VWF: variants seen among roughly 807,000 people sequenced by gnomAD.
VWF encodes the protein Factor VIII related antigen.
Under a neutral mutation model 308.6 loss-of-function variants are expected in VWF, and 176 were observed. That is an observed-to-expected ratio of 0.57 (90% CI 0.50 to 0.65). The LOEUF (loss-of-function observed/expected upper bound fraction) is 0.65, where lower values mean the gene tolerates loss of function less well. Ranked by LOEUF, VWF falls within the 30% of genes least tolerant of loss-of-function variation. The pLI, the probability that VWF is intolerant of heterozygous loss-of-function variation, is 0.00. For missense variants in VWF, 3,146 were observed against 3,648.2 expected (o/e 0.86, Z 3.55); for synonymous variants, 1,385 against 1,443.4 (o/e 0.96, Z 0.92).
chr12:6,006,266 TGAGG>T (rs1028383719), intron 34 of VWF, among the ~76,000 whole-genome samples: 2 of 151,432 alleles, frequency 1.3e-5, no homozygotes, highest in African/African-American at 4.9e-5. Flanking sequence ...CAAAAGGAAA[TGAGG>T]AAGGAGTCAA....
chr12:6,057,738 G>A, intron 14 of VWF, 111 bp downstream of exon 14: 2 of 1,307,072 alleles, frequency 1.5e-6, no homozygotes, highest in Non-Finnish European at 2.0e-6. Flanking sequence ...CCCTTTCCTC[G>A]CTCCCCGCCC....
At chr12:6,025,291 A>G (rs1411284146) in intron 24 of VWF, among the ~76,000 whole-genome samples, 2 of 152,246 alleles carry the variant, frequency 1.3e-5, no homozygotes, top group African/African-American at 2.4e-5. Context: ...CTTCAATAAG[A>G]GAACAAATCC....
chr12:5,955,461 T>C (rs1943237755), intron 47 of VWF, among the ~76,000 whole-genome samples: 1 of 150,798 alleles, frequency 6.6e-6, no homozygotes, highest in Admixed American at 6.6e-5. Context: ...AGTGAGAACA[T>C]GCGGTGTTTG....
chr12:6,068,773 G>A (rs1325876933), intron 10 of VWF, among the ~76,000 whole-genome samples: 1 of 151,080 alleles, frequency 6.6e-6, no homozygotes, highest in East Asian at 1.9e-4. Flanking sequence ...ACAGGCATGA[G>A]CTGCCGCGCC....
chr12:6,046,728 T>C lies in VWF; in HGVS notation c.2276A>G (p.His759Arg). Residue 759 changes from histidine to arginine, a missense_variant, in exon 17 of 52, where the codon CAT becomes CGT. Physicochemically the swap from His to Arg is conservative, Grantham distance 29. Around this residue, in one of 3 missense-constraint regions of VWF, gnomAD observed 1,304 missense variants for 1,353.0 expected, o/e 0.96. Transcript: ENST00000261405. The surrounding 1 kb of genome is among the most constrained non-coding windows in gnomAD (Gnocchi z 5.0). ...TCCAGGGGGACAGTACTCACTGCGA[T>C]GAGACAGGGGACTGCTGAGGACAGC... ...PDAVLSSPLS[H>R]RSKRSLSCRP... The C allele has an allele frequency of 6.2e-7, 1 of 1,614,130 alleles. No homozygotes were observed. Among genetic ancestry groups the C allele is most frequent in the East Asian group, 2.2e-5 (1 of 44,888 alleles).
At chr12:6,091,307 T>G in intron 6 of VWF, among the ~76,000 whole-genome samples, 1 of 151,726 alleles carries the variant, frequency 6.6e-6, no homozygotes, top group African/African-American at 2.4e-5. Flanking sequence ...AGGAGGGAGA[T>G]GTGGGTGTGT....
At chr12:5,979,817 G>A (rs1943575296) in intron 42 of VWF, among the ~76,000 whole-genome samples, 1 of 151,312 alleles carries the variant, frequency 6.6e-6, no homozygotes, top group South Asian at 2.1e-4. Context: ...AGAGGCGGGT[G>A]GATCACAAGG....
intron 40 of VWF, among the ~76,000 whole-genome samples, chr12:5,983,599 T>TG (rs1943636879): frequency 6.6e-6 from 1 of 151,284 alleles, no homozygotes; most frequent in Non-Finnish European, 1.5e-5. Context: ...ATAGGATAGA[T>TG]GATAAAACAT....
In VWF at chr12:6,053,437, C is replaced by G. The variant is rs115927863; in HGVS notation, c.1946-654G>C. The stretch of plus-strand genomic sequence containing the variant: ...AGCTCATGCTCATAACCCTTACTCT[C>G]TAGAAAGAAAACAGTCCCTTTGAGG... On this transcript the variant is annotated intron_variant, in intron 15 of 51. Transcript: ENST00000261405. Among the ~76,000 whole-genome samples the G allele has an allele frequency of 4.5e-3, 691 of 152,248 alleles. 7 individuals are homozygous for G. The highest frequency in any genetic ancestry group is 0.016 in the African/African-American group (645 of 41,548).
chr12:5,991,074 C>G lies in VWF; in HGVS notation c.6798+745G>C, dbSNP rs181752942. 1.4e-4 allele frequency among the ~76,000 whole-genome samples: 21 copies of G among 149,778 alleles called. 1 individual carries two copies. The East Asian group carries it at 3.7e-3, about 26-fold the overall frequency. On this transcript the variant is annotated intron_variant, in intron 38 of 51. Transcript: ENST00000261405. Reference sequence around the variant, plus strand: ...GTTTCCATGGGTAACTTACTGAGCTCTTTAGGTCTTAGTTTCTTCATAGGA... The same window carrying G: ...GTTTCCATGGGTAACTTACTGAGCTGTTTAGGTCTTAGTTTCTTCATAGGA...
intron 37 of VWF, among the ~76,000 whole-genome samples, chr12:5,993,174 A>T (rs549291761): frequency 1.3e-5 from 2 of 152,326 alleles, no homozygotes; most frequent in East Asian, 3.9e-4. Flanking sequence ...CCCTCAAAAA[A>T]ATAGTCGAGG....
chr12:6,062,852 AG>A (rs1944669495), intron 13 of VWF, 101 bp downstream of exon 13: 1 of 943,416 alleles, frequency 1.1e-6, no homozygotes, highest in East Asian at 2.6e-5. Context: ...ATGAGGAGAA[AG>A]GAATTCTTCT....
At chr12:6,044,561 G>C in intron 17 of VWF, 110 bp from the exon 18 acceptor site, 1 of 1,410,192 alleles carries the variant, frequency 7.1e-7, no homozygotes, top group Non-Finnish European at 9.7e-7. Context: ...GAGACTCAGA[G>C]TTGCCCACTC....
intron 5 of VWF, among the ~76,000 whole-genome samples, chr12:6,096,439 G>C (rs1036382909): frequency 1.3e-5 from 2 of 152,238 alleles, no homozygotes; most frequent in African/African-American, 4.8e-5. Context: ...TGGCACCTGG[G>C]CATCCCTCTA....
At chr12:6,016,948 AT>A in intron 28 of VWF, 78 bp from the exon 29 acceptor site, 1 of 1,478,268 alleles carries the variant, frequency 6.8e-7, no homozygotes, top group Non-Finnish European at 9.4e-7. Context: ...CTGACATCCA[AT>A]AGGATCTGCA....
At chr12:6,105,923 G>T (rs1378605152) in intron 5 of VWF, among the ~76,000 whole-genome samples, 1 of 151,964 alleles carries the variant, frequency 6.6e-6, no homozygotes, top group Non-Finnish European at 1.5e-5. Context: ...TGCGCCTGTA[G>T]TCCCAGCTAC....
intron 5 of VWF, among the ~76,000 whole-genome samples, chr12:6,101,988 C>T (rs997716037): frequency 5.0e-4 from 76 of 151,774 alleles, no homozygotes; most frequent in African/African-American, 1.8e-3. Context: ...CAGAACATGA[C>T]ATTTATGGGG....
At chr12:6,074,487 TAAAAAAAAAA>T (rs776702305) in intron 7 of VWF, among the ~76,000 whole-genome samples, 1 of 61,982 alleles carries the variant, frequency 1.6e-5, no homozygotes, top group South Asian at 6.3e-4. Flanking sequence ...TTCACAGACC[TAAAAAAAAAA>T]AAAAAAAAAA....
rs2136409523 is a variant in VWF at position 6,016,836 on chromosome 12, CAGG to C, written c.5085_5087del (p.Leu1696del). On this transcript the variant is annotated inframe_deletion, in exon 29 of 52. Transcript: ENST00000261405. ...AAGCTGGGAAACTGGAGGAGCCATC[CAGG>C]AGAAGGATCACGTCCAGGGGCTGGC... 6.2e-7 allele frequency: 1 copy of C among 1,614,086 alleles called. No individual in the cohort carries two copies. Among genetic ancestry groups the C allele is most frequent in the Non-Finnish European group, 8.5e-7 (1 of 1,180,038 alleles).
Sources: allele counts gnomAD v4.1 joint callset (sites outside exome capture counted in the v4.1 genomes callset), GRCh38; gene constraint gnomAD v4.1.1; regional missense constraint gnomAD v4.1.1; non-coding constraint Gnocchi (gnomAD v3.1); transcripts MANE v1.5; gene names NCBI Gene and HGNC (gene_info 2026-07-23, HGNC 2026-07-21).